The following TET1 variants were observed in gnomAD, a reference collection of about 807,000 sequenced individuals.
TET1 encodes tet methylcytosine dioxygenase 1, also known as methylcytosine dioxygenase TET1.
Under a neutral mutation model 148.7 loss-of-function variants are expected in TET1, and 13 were observed. That is an observed-to-expected ratio of 0.09 (90% CI 0.06 to 0.14). TET1 has a LOEUF of 0.14. Among genes scored for constraint, TET1 ranks in the 10% least tolerant of loss-of-function variants. The pLI, the probability that TET1 is intolerant of heterozygous loss-of-function variation, is 1.00. For synonymous variants in TET1, 907 were observed against 937.2 expected (o/e 0.97, Z 0.59); for missense variants, 2,182 against 2,553.8 (o/e 0.85, Z 3.14).
At chr10:68,617,499 T>A (rs2054310471) in intron 3 of TET1, among the ~76,000 whole-genome samples, 2 of 152,092 alleles carry the variant, frequency 1.3e-5, no homozygotes, top group Admixed American at 1.3e-4. Context: ...TACTGTTAAT[T>A]CTCTTTGGTT....
intron 3 of TET1, among the ~76,000 whole-genome samples, chr10:68,624,309 G>A (rs2054419665): frequency 1.3e-5 from 2 of 149,466 alleles, no homozygotes; most frequent in Admixed American, 1.3e-4. Flanking sequence ...TCTTTTTTTA[G>A]ACGGAGTCTT....
rs71470530 is a variant in TET1, at chr10:68,595,612, C to CTTTTTT, written c.1915-5352_1915-5347dup. On this transcript the variant is annotated intron_variant, in intron 2 of 11. Transcript: ENST00000373644. ...CACAACACACACACACACACAGCTT[C>CTTTTTT]TTTTTTTTTTTTTTTTTTTTTTGAG... Among the ~76,000 whole-genome samples the CTTTTTT allele has an allele frequency of 8.2e-3, 628 of 76,490 alleles. 42 individuals carry two copies. Among genetic ancestry groups the CTTTTTT allele is most frequent in the African/African-American group, 0.029 (561 of 19,626 alleles). The allele number at this position is 76,490 out of a possible 152,430, so 50.2% of individuals were successfully genotyped here. A position where few individuals can be genotyped will look rare whatever the true frequency, so the allele number is the denominator to read the frequency against.
chr10:68,573,246 A>G lies in TET1; in HGVS notation c.908A>G (p.Asn303Ser). The change falls in exon 2 of 12, where the codon AAT (asparagine) becomes AGT (serine). Residue 303 changes from asparagine (N) to serine (S), a missense_variant. Asn to Ser is a conservative substitution (Grantham distance 46). This residue lies in a region of TET1 where 665 missense variants were observed against 672.4 expected (regional missense o/e 0.99). Transcript: ENST00000373644. ...GATTGCTACCCCACCTCCAGTCTTAATAAGGTTATACCTGACTTGAACCTT... is the reference window on the plus strand; with the variant it reads ...GATTGCTACCCCACCTCCAGTCTTAGTAAGGTTATACCTGACTTGAACCTT... Reference protein sequence around the residue: ...EHDCYPTSSLNKVIPDLNLRN... With the variant: ...EHDCYPTSSLSKVIPDLNLRN... 2 of 1,614,000 alleles carry G rather than the reference A, an allele frequency of 1.2e-6. No homozygotes were observed. Among genetic ancestry groups the G allele is most frequent in the Non-Finnish European group, 8.5e-7 (1 of 1,179,992 alleles).
intron 6 of TET1, among the ~76,000 whole-genome samples, chr10:68,664,670 ATTT>A (rs398013961): frequency 2.0e-5 from 2 of 99,546 alleles, no homozygotes; most frequent in Admixed American, 1.2e-4. Context: ...CCCAGCCTGC[ATTT>A]TTTTTTTTTT....
In TET1 at chr10:68,574,229, C is replaced by T; in HGVS notation, c.1891C>T (p.Pro631Ser). Residue 631 changes from proline to serine, a missense_variant, in exon 2 of 12, where the codon CCA becomes TCA. Transcript: ENST00000373644. ...AAAATGTGAGGAGCTGAAAAAGAAA[C>T]CATCTGTTGTTGTGCCTCTGGAGGT... The part of the protein sequence containing the change: ...KRKCEELKKK[P>S]SVVVPLEVIK... 2.5e-6 allele frequency: 4 copies of T among 1,612,426 alleles called. No homozygotes were observed. Among genetic ancestry groups the T allele is most frequent in the Non-Finnish European group, 3.4e-6 (4 of 1,179,774 alleles).
At chr10:68,575,367 A>G (rs2053716160) in intron 2 of TET1, among the ~76,000 whole-genome samples, 1 of 145,536 alleles carries the variant, frequency 6.9e-6, no homozygotes, top group African/African-American at 2.7e-5. Context: ...CTAGGCCACA[A>G]AAGCGAAACT....
At chr10:68,637,340 C>T (rs548539493) in intron 3 of TET1, among the ~76,000 whole-genome samples, 1 of 152,088 alleles carries the variant, frequency 6.6e-6, no homozygotes, top group East Asian at 1.9e-4. Context: ...GGCTGAAATT[C>T]TGAACTAGTC....
Position 68,691,367 on chromosome 10 carries a change from C to A in TET1, c.5964C>A (p.Pro1988=), listed in dbSNP as rs2055591200. 1.9e-6 allele frequency: 3 copies of A among 1,614,150 alleles called. No homozygotes were observed. Among genetic ancestry groups the A allele is most frequent in the Non-Finnish European group, 2.5e-6 (3 of 1,180,040 alleles). The change falls in exon 12 of 12, where the codon CCC becomes CCA. Residue 1988 remains proline (P), a synonymous_variant. Transcript: ENST00000373644. This position sits in a 1 kb window ranked among gnomAD's most constrained non-coding sequence, Gnocchi z 4.4. ...TGTCACCTGCTGAGGAGAAATTGCC[C>A]CACATTGATGAGTATTGGTCAGACA... The part of the protein sequence containing the change: ...DPLSPAEEKL[P]HIDEYWSDSE...
chr10:68,650,446 C>T (rs981657575), intron 4 of TET1, among the ~76,000 whole-genome samples: 4 of 151,934 alleles, frequency 2.6e-5, no homozygotes. Flanking sequence ...AGTTCGAGAC[C>T]AGCCTGGCCA....
chr10:68,640,267 T>A (rs1330310797), intron 3 of TET1, among the ~76,000 whole-genome samples: 6 of 128,084 alleles, frequency 4.7e-5, no homozygotes, highest in African/African-American at 1.8e-4. Context: ...CTACCTTAAA[T>A]TTTTTTTTTT....
chr10:68,673,508 A>T (rs1192340344), intron 8 of TET1: 2 of 342,524 alleles, frequency 5.8e-6, no homozygotes, highest in Non-Finnish European at 1.2e-5. Context: ...AAATTAGTCG[A>T]ACTTGGTGTT....
chr10:68,632,385 G>T, intron 3 of TET1: 8 of 1,607,000 alleles, frequency 5.0e-6, no homozygotes, highest in Non-Finnish European at 6.8e-6. Context: ...CCTCCACGCC[G>T]GAGCCCGGTG....
intron 6 of TET1, among the ~76,000 whole-genome samples, chr10:68,664,668 G>C (rs1285963521): frequency 1.2e-5 from 1 of 81,938 alleles, no homozygotes. Flanking sequence ...CGCCCAGCCT[G>C]CATTTTTTTT....
intron 1 of TET1, among the ~76,000 whole-genome samples, chr10:68,571,234 C>G (rs923062891): frequency 2.6e-5 from 4 of 151,732 alleles, no homozygotes; most frequent in African/African-American, 9.7e-5. Flanking sequence ...AGGTGACCCA[C>G]CCACCTCGGC....
In TET1 at chr10:68,692,582, G is replaced by A. The variant is rs1346196059; in HGVS notation, c.*768G>A. On this transcript the variant is annotated 3_prime_UTR_variant, in exon 12 of 12. Coordinates refer to ENST00000373644, the MANE Select transcript of TET1 (RefSeq NM_030625.3). ...TAACTGCAGTATGTATTCTAATCAT[G>A]TATATGGTTTGTGTTCTTTTACTGT... 2 of 232,342 alleles carry A rather than the reference G, an allele frequency of 8.6e-6. No individual in the cohort carries two copies. Among genetic ancestry groups the A allele is most frequent in the Non-Finnish European group, 1.7e-5 (2 of 117,422 alleles). The allele number at this position is 232,342 out of a possible 1,614,324, so 14.4% of individuals were successfully genotyped here.
chr10:68,694,251 T>A lies in TET1; in HGVS notation c.*2437T>A, dbSNP rs1022547294. ...CCGTTGTTGTAGTTAACATCATGAA[T>A]GGACTTCTTAAGCTGATTACCCCAC... is the stretch of plus-strand genomic sequence containing the variant. On this transcript the variant is annotated 3_prime_UTR_variant, in exon 12 of 12. Coordinates refer to ENST00000373644, the MANE Select transcript of TET1 (RefSeq NM_030625.3). The A allele has an allele frequency of 4.3e-6, 1 of 232,796 alleles. No individual in the cohort carries two copies. The highest frequency in any genetic ancestry group is 6.1e-5 in the East Asian group (1 of 16,440). The allele number at this position is 232,796 out of a possible 1,614,324, so 14.4% of individuals were successfully genotyped here.
At chr10:68,689,471 G>A (rs1281590563) in intron 11 of TET1, among the ~76,000 whole-genome samples, 1 of 152,022 alleles carries the variant, frequency 6.6e-6, no homozygotes, top group Non-Finnish European at 1.5e-5. Context: ...GGGAGGCAGA[G>A]GCGGGCGGAT....
chr10:68,626,110 G>A lies in TET1; in HGVS notation c.1969-18588G>A, dbSNP rs796858118. ...ATCTCAAAAAAAAGAAAAAAAAAAAGAAAAGAAAAAGAAAAGAAAATACTT... is the reference window on the plus strand; with the variant it reads ...ATCTCAAAAAAAAGAAAAAAAAAAAAAAAAGAAAAAGAAAAGAAAATACTT... On this transcript the variant is annotated intron_variant, in intron 3 of 11. Transcript: ENST00000373644. Among the ~76,000 whole-genome samples the A allele has an allele frequency of 3.2e-3, 331 of 101,846 alleles. 1 individual carries two copies. The highest frequency in any genetic ancestry group is 6.6e-3 in the South Asian group (21 of 3,190). 66.8% of individuals were successfully genotyped at this position (101,846 alleles called of 152,430 possible).
chr10:68,595,328 C>T (rs183803801), intron 2 of TET1, among the ~76,000 whole-genome samples: 4 of 151,962 alleles, frequency 2.6e-5, no homozygotes, highest in Admixed American at 2.0e-4. Context: ...AATTGTAGCC[C>T]CCAAAATCAG....
Sources: allele counts gnomAD v4.1 joint callset (sites outside exome capture counted in the v4.1 genomes callset), GRCh38; gene constraint gnomAD v4.1.1; regional missense constraint gnomAD v4.1.1; non-coding constraint Gnocchi (gnomAD v3.1); transcripts MANE v1.5; gene names NCBI Gene and HGNC (gene_info 2026-07-23, HGNC 2026-07-21).